Variants in PTPRN2 observed in about 807,000 individuals in gnomAD.
PTPRN2 encodes receptor-type tyrosine-protein phosphatase N2.
Under a neutral mutation model 118.8 loss-of-function variants are expected in PTPRN2, and 74 were observed. That is an observed-to-expected ratio of 0.62 (90% confidence interval 0.52 to 0.76). PTPRN2 has a LOEUF of 0.76. Ranked by LOEUF, PTPRN2 falls within the 30% of genes least tolerant of loss-of-function variation. The pLI, the probability that PTPRN2 is intolerant of heterozygous loss-of-function variation, is 0.00. For missense variants in PTPRN2, 1,481 were observed against 1,394.4 expected (o/e 1.06, Z -0.99); for synonymous variants, 641 against 608.0 (o/e 1.05, Z -0.80).
chr7:157,718,700 G>C (rs992884569), intron 12 of PTPRN2, among the ~76,000 whole-genome samples: 7 of 151,062 alleles, frequency 4.6e-5, no homozygotes, highest in Admixed American at 1.3e-4. Flanking sequence ...ATGGCCCCAG[G>C]GTGAGTCTCA....
intron 10 of PTPRN2, among the ~76,000 whole-genome samples, chr7:158,082,023 C>T (rs1812881209): frequency 6.6e-6 from 1 of 152,160 alleles, no homozygotes; most frequent in South Asian, 2.1e-4. Context: ...ATTAGGAATC[C>T]AGGGTCCATT....
chr7:158,520,738 G>A (rs984948799), intron 1 of PTPRN2, among the ~76,000 whole-genome samples: 4 of 152,096 alleles, frequency 2.6e-5, no homozygotes, highest in Admixed American at 6.6e-5. Flanking sequence ...ACAAACATAC[G>A]AAGAACGATC....
At chr7:158,265,387 C>T (rs11771191) in intron 3 of PTPRN2, among the ~76,000 whole-genome samples, 35,897 of 151,704 alleles carry the variant, frequency 0.24, 4,534 homozygotes, top group Middle Eastern at 0.32. Flanking sequence ...TACTTGCAGG[C>T]AGGCACCCAC....
At chr7:157,850,555 CA>C (rs2151203531) in intron 12 of PTPRN2, among the ~76,000 whole-genome samples, 1 of 152,332 alleles carries the variant, frequency 6.6e-6, no homozygotes, top group African/African-American at 2.4e-5. Context: ...TGCACCATCT[CA>C]CATCCACCAA....
At chr7:157,624,183 G>C (rs751894381) in intron 14 of PTPRN2, among the ~76,000 whole-genome samples, 2 of 152,186 alleles carry the variant, frequency 1.3e-5, no homozygotes, top group Non-Finnish European at 2.9e-5. Flanking sequence ...CACTTTGGAA[G>C]GCTGAGGCGG....
In PTPRN2 at chr7:157,898,764, G is replaced by C. The variant is rs56303006; in HGVS notation, c.1724-27C>G. On this transcript the variant is annotated intron_variant, in intron 11 of 22. Transcript: ENST00000389418. ...TGTTAGGAAAAATCAGAAAGCACAAGAGTCAGGTTGGAGAGGTCCTCAGTC... is the reference window on the plus strand; with the variant it reads ...TGTTAGGAAAAATCAGAAAGCACAACAGTCAGGTTGGAGAGGTCCTCAGTC... 18,932 of 1,566,214 alleles carry C rather than the reference G, an allele frequency of 0.012. 1,638 individuals carry two copies. The African/African-American group carries it at 0.21, about 17-fold the overall frequency.
At chr7:158,376,619 G>A (rs572691298) in intron 2 of PTPRN2, among the ~76,000 whole-genome samples, 2 of 92,288 alleles carry the variant, frequency 2.2e-5, no homozygotes, top group East Asian at 7.6e-4. Flanking sequence ...TGAGAGGGGG[G>A]TCAGGGGACT....
At chr7:158,011,913 C>A (rs1806076525) in intron 11 of PTPRN2, among the ~76,000 whole-genome samples, 1 of 152,174 alleles carries the variant, frequency 6.6e-6, no homozygotes, top group African/African-American at 2.4e-5. Flanking sequence ...CCCCACAGTT[C>A]TTTCTTGGTC....
intron 1 of PTPRN2, among the ~76,000 whole-genome samples, chr7:158,496,219 T>G (rs576424044): frequency 5.1e-5 from 2 of 39,416 alleles, no homozygotes; most frequent in South Asian, 1.2e-3. Context: ...AGCCTCCCCC[T>G]TCCCTTCAGC....
intron 14 of PTPRN2, among the ~76,000 whole-genome samples, chr7:157,623,725 GT>G (rs924705633): frequency 2.6e-5 from 4 of 152,172 alleles, no homozygotes; most frequent in African/African-American, 9.7e-5. Context: ...CTGACGCGAT[GT>G]TTTTTCACGG....
At chr7:157,912,118 T>C (rs183505311) in intron 11 of PTPRN2, among the ~76,000 whole-genome samples, 2 of 152,364 alleles carry the variant, frequency 1.3e-5, no homozygotes, top group East Asian at 3.9e-4. Flanking sequence ...GACATAGATG[T>C]CCCAAAGGGA....
At chr7:158,465,188 G>A (rs1266777142) in intron 2 of PTPRN2, among the ~76,000 whole-genome samples, 1 of 152,192 alleles carries the variant, frequency 6.6e-6, no homozygotes, top group African/African-American at 2.4e-5. Flanking sequence ...ATCTTGCAGA[G>A]TTTGTGCGAA....
intron 2 of PTPRN2, among the ~76,000 whole-genome samples, chr7:158,428,346 G>A (rs10259321): frequency 0.5 from 75,728 of 152,070 alleles, 19,177 homozygotes; most frequent in Non-Finnish European, 0.53. Context: ...AGACGAGGGC[G>A]GCAGCAAGAC....
At chr7:157,652,329 C>T (rs960131799) in intron 14 of PTPRN2, among the ~76,000 whole-genome samples, 1 of 152,230 alleles carries the variant, frequency 6.6e-6, no homozygotes, top group Non-Finnish European at 1.5e-5. Context: ...CAGATGCTCA[C>T]CCGGTTTTAC....
At chr7:157,648,543 C>A (rs1373789287) in intron 14 of PTPRN2, among the ~76,000 whole-genome samples, 2 of 114,592 alleles carry the variant, frequency 1.7e-5, no homozygotes, top group East Asian at 4.7e-4. Flanking sequence ...GACCCTTTCA[C>A]TGTGCACTGA....
chr7:157,742,127 CT>C (rs1800668796), intron 12 of PTPRN2, among the ~76,000 whole-genome samples: 1 of 152,196 alleles, frequency 6.6e-6, no homozygotes, highest in Non-Finnish European at 1.5e-5. Context: ...TACAACTAGG[CT>C]TTTTCCAATC....
intron 2 of PTPRN2, among the ~76,000 whole-genome samples, chr7:158,437,889 C>T (rs1392744332): frequency 6.6e-6 from 1 of 152,210 alleles, no homozygotes; most frequent in African/African-American, 2.4e-5. Flanking sequence ...GCCTGGTAAC[C>T]TTTGCAATGC....
chr7:158,280,239 C>G (rs908801696), intron 3 of PTPRN2, among the ~76,000 whole-genome samples: 1 of 152,212 alleles, frequency 6.6e-6, no homozygotes, highest in Non-Finnish European at 1.5e-5. Flanking sequence ...CGGGCCCAAT[C>G]GGAAAGCAGG....
intron 14 of PTPRN2, among the ~76,000 whole-genome samples, chr7:157,644,315 G>A (rs893442873): frequency 6.6e-6 from 1 of 152,196 alleles, no homozygotes; most frequent in Non-Finnish European, 1.5e-5. Context: ...GGAGGAACAA[G>A]CCCTGCCTGC....
Sources: gnomAD v4.1 joint callset for allele counts (sites outside exome capture counted in the v4.1 genomes callset) on GRCh38, gnomAD v4.1.1 for gene constraint, MANE v1.5 for transcripts, NCBI Gene and HGNC (gene_info 2026-07-23, HGNC 2026-07-21) for gene names.